Variants in UNC5D observed in about 807,000 individuals in gnomAD.
UNC5D encodes the protein unc-5 netrin receptor D.
UNC5D carries 39 observed loss-of-function variants against 105.4 expected under a neutral mutation model. The ratio of observed to expected loss-of-function variants is 0.37; its 90% CI spans 0.29 to 0.48. UNC5D has a LOEUF of 0.48. UNC5D is among the 20% of genes least tolerant of loss of function. The pLI, the probability that UNC5D is intolerant of heterozygous loss-of-function variation, is 0.98. For missense variants in UNC5D, 991 were observed against 1,202.4 expected (o/e 0.82, Z 2.60); for synonymous variants, 452 against 450.4 (o/e 1.00, Z -0.04).
rs144356188 is a variant in UNC5D, at chr8:35,787,211, T to C, written c.2658-3148T>C. Reference sequence around the variant, plus strand: ...TTTAAGGTAGTAGGCTCACAAAGATTCTAGTCATTCCCATAGGGCAAAAGT... The same window carrying C: ...TTTAAGGTAGTAGGCTCACAAAGATCCTAGTCATTCCCATAGGGCAAAAGT... On this transcript the variant is annotated intron_variant, in intron 16 of 16. Coordinates refer to ENST00000404895, the MANE Select transcript of UNC5D (RefSeq NM_080872.4). Among the ~76,000 whole-genome samples the C allele has an allele frequency of 7.2e-5, 11 of 152,266 alleles. No individual in the cohort carries two copies. The East Asian group carries it at 2.1e-3, about 29-fold the overall frequency.
intron 1 of UNC5D, among the ~76,000 whole-genome samples, chr8:35,405,497 G>A (rs115269129): frequency 0.012 from 1,851 of 152,176 alleles, 40 homozygotes; most frequent in African/African-American, 0.041. Context: ...CCTGGCAATA[G>A]CAATATAGAT....
chr8:35,643,900 G>A (rs1276322227), intron 4 of UNC5D, among the ~76,000 whole-genome samples: 1 of 151,964 alleles, frequency 6.6e-6, no homozygotes, highest in Non-Finnish European at 1.5e-5. Flanking sequence ...CAGTCTCAGG[G>A]CCTGAGAGCT....
At chr8:35,536,975 G>T (rs533353466) in intron 1 of UNC5D, among the ~76,000 whole-genome samples, 1 of 151,660 alleles carries the variant, frequency 6.6e-6, no homozygotes, top group African/African-American at 2.4e-5. Flanking sequence ...CAGTCTGGGT[G>T]ACAGAGCGAG....
At chr8:35,353,664 A>C (rs1485581821) in intron 1 of UNC5D, among the ~76,000 whole-genome samples, 2 of 152,172 alleles carry the variant, frequency 1.3e-5, no homozygotes, top group African/African-American at 4.8e-5. Flanking sequence ...AATTAAATGC[A>C]GAGCAGTATG....
chr8:35,738,021 G>A (rs1011355520), intron 11 of UNC5D, among the ~76,000 whole-genome samples: 2 of 152,106 alleles, frequency 1.3e-5, no homozygotes, highest in Non-Finnish European at 2.9e-5. Flanking sequence ...CAGGAGAATC[G>A]CTTGAACCCA....
chr8:35,730,775 A>T (rs57580576), intron 10 of UNC5D, among the ~76,000 whole-genome samples: 2 of 112,592 alleles, frequency 1.8e-5, no homozygotes, highest in East Asian at 2.1e-4. Flanking sequence ...GACTTAAAAT[A>T]AAAAAAAAAA....
intron 8 of UNC5D, among the ~76,000 whole-genome samples, chr8:35,721,637 C>T (rs1249713694): frequency 6.6e-6 from 1 of 152,174 alleles, no homozygotes; most frequent in Non-Finnish European, 1.5e-5. Context: ...TGACTGTATG[C>T]CCTAAACTGA....
In UNC5D at chr8:35,765,554, A is replaced by G. The variant is rs568256311; in HGVS notation, c.2314-1348A>G. On this transcript the variant is annotated intron_variant, in intron 14 of 16. Transcript: ENST00000404895. ...TGGCTTTCCTCTCTTCAAGTTCACA[A>G]CAATCTAAAGTCCATCCATCCCTCC... Among the ~76,000 whole-genome samples the G allele has an allele frequency of 6.6e-5, 10 of 152,306 alleles. No homozygotes were observed. In the South Asian group the frequency reaches 1.2e-3, roughly 19 times the overall value.
At chr8:35,354,271 C>T (rs900451635) in intron 1 of UNC5D, among the ~76,000 whole-genome samples, 15 of 152,010 alleles carry the variant, frequency 9.9e-5, no homozygotes, top group Non-Finnish European at 1.8e-4. Flanking sequence ...TCTTTCCCCC[C>T]CTCTCTTGCT....
intron 11 of UNC5D, among the ~76,000 whole-genome samples, chr8:35,738,506 C>T (rs1261380036): frequency 6.6e-6 from 1 of 152,130 alleles, no homozygotes; most frequent in African/African-American, 2.4e-5. Context: ...CTTTTTGTTG[C>T]TAACACAGTC....
chr8:35,341,475 T>C (rs1009190271), intron 1 of UNC5D, among the ~76,000 whole-genome samples: 1 of 151,970 alleles, frequency 6.6e-6, no homozygotes, highest in African/African-American at 2.4e-5. Context: ...TTTTTTGTTT[T>C]TCCAGTAGTG....
At chr8:35,314,511 G>A (rs555557914) in intron 1 of UNC5D, among the ~76,000 whole-genome samples, 1 of 152,208 alleles carries the variant, frequency 6.6e-6, no homozygotes, top group East Asian at 1.9e-4. Flanking sequence ...ATTTTAAAAA[G>A]AAAAGCAATT....
intron 1 of UNC5D, among the ~76,000 whole-genome samples, chr8:35,519,523 T>C (rs1481290768): frequency 2.0e-5 from 3 of 152,120 alleles, no homozygotes; most frequent in African/African-American, 7.2e-5. Flanking sequence ...TATATAGGTA[T>C]TTATTTAGTA....
intron 9 of UNC5D, among the ~76,000 whole-genome samples, chr8:35,723,542 C>A (rs944901663): frequency 6.6e-6 from 1 of 151,922 alleles, no homozygotes; most frequent in Non-Finnish European, 1.5e-5. Flanking sequence ...ACTACAGGCA[C>A]ATGCCACCAC....
chr8:35,480,753 C>T (rs892132259), intron 1 of UNC5D, among the ~76,000 whole-genome samples: 3 of 152,030 alleles, frequency 2.0e-5, no homozygotes, highest in African/African-American at 7.3e-5. Context: ...ATGAGACAAA[C>T]AAATCGGGCA....
At chr8:35,575,728 C>T (rs1818045207) in intron 3 of UNC5D, among the ~76,000 whole-genome samples, 1 of 152,082 alleles carries the variant, frequency 6.6e-6, no homozygotes, top group African/African-American at 2.4e-5. Context: ...AACAAGTGTC[C>T]AAAGCCAAGA....
At chr8:35,430,907 T>C (rs750646101) in intron 1 of UNC5D, among the ~76,000 whole-genome samples, 4 of 152,140 alleles carry the variant, frequency 2.6e-5, no homozygotes, top group Non-Finnish European at 5.9e-5. Flanking sequence ...CACACACACA[T>C]GCATGCATGC....
intron 1 of UNC5D, among the ~76,000 whole-genome samples, chr8:35,510,396 T>C (rs543606260): frequency 1.3e-5 from 2 of 151,382 alleles, no homozygotes; most frequent in Non-Finnish European, 2.9e-5. Context: ...AGACCAAATA[T>C]GTATTTCACA....
At chr8:35,533,841 C>T (rs10111420) in intron 1 of UNC5D, among the ~76,000 whole-genome samples, 1,902 of 152,264 alleles carry the variant, frequency 0.012, 53 homozygotes, top group African/African-American at 0.044. Flanking sequence ...TTCTTTGACT[C>T]GCAAAGGGGA....
Sources: gnomAD v4.1 joint callset for allele counts (sites outside exome capture counted in the v4.1 genomes callset) on GRCh38, gnomAD v4.1.1 for gene constraint, MANE v1.5 for transcripts, NCBI Gene and HGNC (gene_info 2026-07-23, HGNC 2026-07-21) for gene names.